The following MECOM variants were observed in gnomAD, a reference collection of about 807,000 sequenced individuals.
MECOM encodes MDS1 and EVI1 complex locus.
In MECOM, 13 loss-of-function variants were observed where a neutral mutation model predicts 116.3. That is an observed-to-expected ratio of 0.11 (90% confidence interval 0.07 to 0.18). MECOM has a LOEUF of 0.18. Among genes scored for constraint, MECOM ranks in the 10% least tolerant of loss-of-function variants. The probability of loss-of-function intolerance (pLI) is 1.00; values close to 1 mark genes in which losing one functional copy is unlikely to be tolerated. For synonymous variants in MECOM, 528 were observed against 535.2 expected (o/e 0.99, Z 0.19); for missense variants, 1,299 against 1,509.0 (o/e 0.86, Z 2.31).
In MECOM at chr3:169,305,848, T is replaced by A. The variant is rs75235586; in HGVS notation, c.375+75339A>T. Among the ~76,000 whole-genome samples, 797 of 152,270 alleles carry A rather than the reference T, an allele frequency of 5.2e-3. 5 individuals carry two copies. The highest frequency in any genetic ancestry group is 0.018 in the African/African-American group (756 of 41,546). ...AACAAAGTTGTGTAAAGGTTTTTTTTTTTCCCCTTCCCAATGACTTACTTC... is the reference window on the plus strand; with the variant it reads ...AACAAAGTTGTGTAAAGGTTTTTTTATTTCCCCTTCCCAATGACTTACTTC... On this transcript the variant is annotated intron_variant, in intron 2 of 16. Transcript: ENST00000651503.
chr3:169,104,544 T>C (rs1228585053), intron 10 of MECOM, among the ~76,000 whole-genome samples: 1 of 152,190 alleles, frequency 6.6e-6, no homozygotes, highest in Non-Finnish European at 1.5e-5. Flanking sequence ...GGGTAATGAT[T>C]ATAAATGTTT....
rs1241355086 is a variant in MECOM at position 169,378,442 on chromosome 3, AAAGAAAGAAGGAAAGCAAGCAAGC to A, written c.375+2721_375+2744del. Among the ~76,000 whole-genome samples, 172 of 85,224 alleles carry A rather than the reference AAAGAAAGAAGGAAAGCAAGCAAGC, an allele frequency of 2.0e-3. 7 individuals are homozygous for A. Among genetic ancestry groups the A allele is most frequent in the African/African-American group, 3.2e-3 (41 of 12,896 alleles). The allele number at this position is 85,224 out of a possible 152,430, so 55.9% of individuals were successfully genotyped here. A position where few individuals can be genotyped will look rare whatever the true frequency, so the allele number is the denominator to read the frequency against. On this transcript the variant is annotated intron_variant, in intron 2 of 16. Transcript: ENST00000651503. ...GAAAGAAAGAAAGAAAGAAAGAAAG[AAAGAAAGAAGGAAAGCAAGCAAGC>A]AAGCAAGCAAGAAAGAGAGAGAGAA...
intron 2 of MECOM, among the ~76,000 whole-genome samples, chr3:169,305,173 A>G (rs903086575): frequency 2.0e-5 from 3 of 152,204 alleles, no homozygotes; most frequent in Non-Finnish European, 4.4e-5. Context: ...AGGTTTATTT[A>G]TTGTGGTAGT....
chr3:169,441,283 A>G (rs1743622079), intron 1 of MECOM, among the ~76,000 whole-genome samples: 1 of 152,178 alleles, frequency 6.6e-6, no homozygotes, highest in Non-Finnish European at 1.5e-5. Flanking sequence ...GTGCTGTATG[A>G]CAAAGATTTT....
chr3:169,371,194 C>T (rs1308867094), intron 2 of MECOM, among the ~76,000 whole-genome samples: 1 of 151,790 alleles, frequency 6.6e-6, no homozygotes, highest in Non-Finnish European at 1.5e-5. Flanking sequence ...AAGAAGAAAA[C>T]CCTGCCATTT....
At chr3:169,413,392 A>C (rs944601489) in intron 1 of MECOM, among the ~76,000 whole-genome samples, 8 of 152,054 alleles carry the variant, frequency 5.3e-5, no homozygotes, top group Non-Finnish European at 8.8e-5. Flanking sequence ...TACCTACACC[A>C]CAAGTGCCCT....
chr3:169,405,197 T>C (rs1222680529), intron 1 of MECOM, among the ~76,000 whole-genome samples: 1 of 152,116 alleles, frequency 6.6e-6, no homozygotes, highest in Non-Finnish European at 1.5e-5. Context: ...TGTCTCTCTC[T>C]CTCTCTCTGT....
chr3:169,458,477 G>A (rs1746881589), intron 1 of MECOM, among the ~76,000 whole-genome samples: 1 of 152,276 alleles, frequency 6.6e-6, no homozygotes, highest in Admixed American at 6.5e-5. Flanking sequence ...CAACTCTTCT[G>A]CTCCCGAGTC....
intron 1 of MECOM, among the ~76,000 whole-genome samples, chr3:169,523,362 C>T (rs1288514177): frequency 6.6e-6 from 1 of 152,064 alleles, no homozygotes; most frequent in African/African-American, 2.4e-5. Flanking sequence ...AGAGAGGATC[C>T]TCAAGAAGAA....
At chr3:169,518,112 G>A (rs1756885882) in intron 1 of MECOM, among the ~76,000 whole-genome samples, 1 of 152,002 alleles carries the variant, frequency 6.6e-6, no homozygotes, top group Admixed American at 6.6e-5. Context: ...ACAAAAAATT[G>A]GACGGGCGTG....
At chr3:169,545,926 G>A (rs573098181) in intron 1 of MECOM, among the ~76,000 whole-genome samples, 1 of 151,888 alleles carries the variant, frequency 6.6e-6, no homozygotes, top group East Asian at 1.9e-4. Context: ...GCCCTCAACA[G>A]GAATGATTTG....
At chr3:169,179,021 C>T (rs765093443) in intron 2 of MECOM, among the ~76,000 whole-genome samples, 9 of 152,200 alleles carry the variant, frequency 5.9e-5, no homozygotes, top group African/African-American at 1.4e-4. Flanking sequence ...AGTAATAAAA[C>T]ATAAATGCTT....
At chr3:169,414,122 A>G (rs1187042507) in intron 1 of MECOM, among the ~76,000 whole-genome samples, 1 of 152,172 alleles carries the variant, frequency 6.6e-6, no homozygotes, top group Non-Finnish European at 1.5e-5. Context: ...GTCAACAGAC[A>G]ACTCATAAAG....
intron 1 of MECOM, among the ~76,000 whole-genome samples, chr3:169,449,287 A>G (rs1745161696): frequency 6.6e-6 from 1 of 152,210 alleles, no homozygotes. Flanking sequence ...TCATTTACCC[A>G]TAATGCATGC....
At chr3:169,371,193 A>AC (rs1334276415) in intron 2 of MECOM, among the ~76,000 whole-genome samples, 3 of 151,952 alleles carry the variant, frequency 2.0e-5, no homozygotes, top group Non-Finnish European at 4.4e-5. Context: ...AAAGAAGAAA[A>AC]CCCTGCCATT....
intron 1 of MECOM, chr3:169,615,045 G>T (rs7632977): frequency 0.67 from 101,772 of 152,176 alleles, 34,274 homozygotes; most frequent in East Asian, 0.84. Context: ...TCTCTAAAGC[G>T]TCTAGAAAGT....
chr3:169,631,226 C>T, intron 1 of MECOM, among the ~76,000 whole-genome samples: 1 of 152,242 alleles, frequency 6.6e-6, no homozygotes, highest in Admixed American at 6.5e-5. Flanking sequence ...TTGCAAATAT[C>T]TGTGCATCAC....
chr3:169,419,842 T>C (rs1739404471), intron 1 of MECOM, among the ~76,000 whole-genome samples: 2 of 151,906 alleles, frequency 1.3e-5, no homozygotes, highest in South Asian at 4.2e-4. Flanking sequence ...TGGGAGAAAA[T>C]TTTTGCAATC....
chr3:169,201,012 T>A (rs1749076177), intron 2 of MECOM, among the ~76,000 whole-genome samples: 1 of 152,166 alleles, frequency 6.6e-6, no homozygotes, highest in African/African-American at 2.4e-5. Flanking sequence ...CACTCTGCAA[T>A]ATACATTTAC....
Sources: gnomAD v4.1 joint callset for allele counts (sites outside exome capture counted in the v4.1 genomes callset) on GRCh38, gnomAD v4.1.1 for gene constraint, MANE v1.5 for transcripts, NCBI Gene and HGNC (gene_info 2026-07-23, HGNC 2026-07-21) for gene names.